The following HHIPL2 variants were observed in gnomAD, a reference collection of about 807,000 sequenced individuals.
HHIPL2 encodes HHIP-like protein 2.
Under a neutral mutation model 61.0 loss-of-function variants are expected in HHIPL2, and 61 were observed. The observed-to-expected ratio is 1.00, with a 90% confidence interval of 0.81 to 1.24. The LOEUF (loss-of-function observed/expected upper bound fraction) is 1.24. Ranked by LOEUF, HHIPL2 falls within the 50% of genes most tolerant of loss-of-function variation. The pLI, the probability that HHIPL2 is intolerant of heterozygous loss-of-function variation, is 0.00. For synonymous variants in HHIPL2, 343 were observed against 357.4 expected, an observed-to-expected ratio of 0.96 and a Z score of 0.45; for missense variants, 885 against 910.2, an observed-to-expected ratio of 0.97 and a Z score of 0.36.
At chr1:222,535,756 C>T (rs1451589903) in intron 5 of HHIPL2, among the ~76,000 whole-genome samples, 1 of 152,062 alleles carries the variant, frequency 6.6e-6, no homozygotes, top group African/African-American at 2.4e-5. Context: ...TCATTTAGGA[C>T]CCACCCAGAA....
chr1:222,526,705 C>CAA (rs1187186640), intron 7 of HHIPL2, among the ~76,000 whole-genome samples: 448 of 52,498 alleles, frequency 8.5e-3, no homozygotes, highest in Non-Finnish European at 0.011. Context: ...AACTCCATCT[C>CAA]AAAAAAAAAA....
Position 222,526,997 on chromosome 1 carries a change from A to G in HHIPL2, c.1777T>C (p.Ser593Pro). Residue 593 changes from serine (S) to proline (P), a missense_variant, in exon 7 of 9, where the codon TCT becomes CCT. Ser to Pro is a moderately conservative substitution (Grantham distance 74, BLOSUM62 -1). Transcript: ENST00000343410. The part of the protein sequence containing the change: ...SYPSAYAPRG[S>P]IYKFVDPSRR... ...GAGGGGTCAACAAACTTGTAAATAG[A>G]TCCACGTGGTGCATAGGCACTTGGG... is the stretch of plus-strand genomic sequence containing the variant. 1 of 1,613,684 alleles carries G rather than the reference A, an allele frequency of 6.2e-7. No individual in the cohort carries two copies. The highest frequency in any genetic ancestry group is 8.5e-7 in the Non-Finnish European group (1 of 1,179,826).
Position 222,540,183 on chromosome 1 carries a change from A to G in HHIPL2, c.1277T>C (p.Val426Ala), listed in dbSNP as rs1382700283. 4 of 1,614,124 alleles carry G rather than the reference A, an allele frequency of 2.5e-6. No individual in the cohort carries two copies. The highest frequency in any genetic ancestry group is 3.4e-6 in the Non-Finnish European group (4 of 1,180,048). The change falls in exon 4 of 9, where the codon GTG becomes GCG. Residue 426 changes from valine to alanine, a missense_variant. Coordinates refer to ENST00000343410, the MANE Select transcript of HHIPL2 (RefSeq NM_024746.4). ...GCGCGTGATGGGGTCCCCTCGGTCC[A>G]CAGCACAACGCCACATGTTCCTGAT... is the stretch of plus-strand genomic sequence containing the variant. ...YGIRNMWRCA[V>A]DRGDPITRQG... is the part of the protein sequence containing the mutation.
At chr1:222,531,305 T>C (rs1269086656) in intron 6 of HHIPL2, among the ~76,000 whole-genome samples, 1 of 152,166 alleles carries the variant, frequency 6.6e-6, no homozygotes, top group African/African-American at 2.4e-5. Flanking sequence ...CCGCTGCCCA[T>C]TTAGTCTGGC....
Position 222,525,734 on chromosome 1 carries a change from C to G in HHIPL2, c.1805+1235G>C, listed in dbSNP as rs1659049162. Among the ~76,000 whole-genome samples, 3 of 152,150 alleles carry G rather than the reference C, an allele frequency of 2.0e-5. No homozygotes were observed. In the South Asian group the frequency reaches 6.2e-4, roughly 31 times the overall value. ...CACTGGGGCAGGGTGCATGGTGGCA[C>G]ACACCTGTAATCCCAGCACTTTGGG... On this transcript the variant is annotated intron_variant, in intron 7 of 8. Transcript: ENST00000343410.
chr1:222,525,249 T>C (rs1001765563), intron 7 of HHIPL2: 19 of 152,182 alleles, frequency 1.2e-4, no homozygotes, highest in African/African-American at 4.6e-4. Flanking sequence ...TGGATTCACA[T>C]AGGAAGCCTG....
At chr1:222,542,842 T>C (rs998684485) in intron 2 of HHIPL2, among the ~76,000 whole-genome samples, 6 of 152,106 alleles carry the variant, frequency 3.9e-5, no homozygotes, top group African/African-American at 1.4e-4. Flanking sequence ...TTTCATACCA[T>C]GATTTAATGA....
intron 1 of HHIPL2, 134 bp from the exon 2 acceptor site, chr1:222,544,323 T>C (rs1437386364): frequency 2.2e-6 from 2 of 912,720 alleles, no homozygotes; most frequent in Non-Finnish European, 3.3e-6. Context: ...TGTTACCAAC[T>C]GCTGCTAAAA....
At chr1:222,530,800 T>C (rs1304319187) in intron 6 of HHIPL2, among the ~76,000 whole-genome samples, 5 of 151,702 alleles carry the variant, frequency 3.3e-5, no homozygotes, top group Admixed American at 3.3e-4. Flanking sequence ...TGTTTAATTA[T>C]TTTTTTTTCA....
intron 7 of HHIPL2, among the ~76,000 whole-genome samples, chr1:222,523,918 G>A (rs1352373897): frequency 6.6e-6 from 1 of 152,306 alleles, no homozygotes; most frequent in Non-Finnish European, 1.5e-5. Flanking sequence ...TGCAGAGAAG[G>A]AGTTAGGAGT....
rs762409856 is a variant in HHIPL2, at chr1:222,522,605, G to A, written c.2171C>T (p.Pro724Leu). 1.9e-6 allele frequency: 3 copies of A among 1,611,974 alleles called. No homozygotes were observed. The highest frequency in any genetic ancestry group is 1.7e-5 in the Admixed American group (1 of 60,002). Residue 724 changes from proline to leucine, a missense_variant, in exon 9 of 9, where the codon CCT becomes CTT. Coordinates refer to ENST00000343410, the MANE Select transcript of HHIPL2 (RefSeq NM_024746.4). ...TCGGCCACCTTGACCAATAGGTCAA[G>A]GGAGACTTCTGCCAGCTCGCTTCTG... ...AEQKRAGRSL[P>L]
intron 6 of HHIPL2, among the ~76,000 whole-genome samples, chr1:222,528,712 C>T (rs1890069): frequency 0.44 from 67,567 of 152,072 alleles, 16,235 homozygotes; most frequent in African/African-American, 0.64. Context: ...CACTTGCTGT[C>T]ATGTGCCTTA....
At chr1:222,536,886 C>CAA (rs1398667076) in intron 5 of HHIPL2, among the ~76,000 whole-genome samples, 1 of 140,006 alleles carries the variant, frequency 7.1e-6, no homozygotes, top group African/African-American at 2.9e-5. Flanking sequence ...TCCATCTCTA[C>CAA]AAAAAAAAAA....
At position 222,527,051 on chromosome 1, in the gene HHIPL2, C is replaced by T; in HGVS notation, c.1724-1G>A. The stretch of plus-strand genomic sequence containing the variant: ...GAGGTCGCCAGGAAATACAGCTCCC[C>T]TAAGGCAACAAAAATAGACAGGCAA... On this transcript the variant is annotated splice_acceptor_variant, in intron 6 of 8. Transcript: ENST00000343410. LOFTEE classifies it high-confidence loss of function. The T allele has an allele frequency of 6.2e-7, 1 of 1,611,464 alleles. No homozygotes were observed. The highest frequency in any genetic ancestry group is 8.5e-7 in the Non-Finnish European group (1 of 1,178,422).
At chr1:222,531,933 A>G in intron 6 of HHIPL2, 33 bp downstream of exon 6, 3 of 1,561,052 alleles carry the variant, frequency 1.9e-6, no homozygotes, top group Non-Finnish European at 2.6e-6. Context: ...AGTTCTAGTA[A>G]GCAGAAATCA....
intron 4 of HHIPL2, 145 bp from the exon 5 acceptor site, chr1:222,538,919 G>C (rs749416300): frequency 4.1e-5 from 30 of 726,630 alleles, no homozygotes; most frequent in Admixed American, 2.3e-4. Context: ...GCAAGCAAGT[G>C]AATCATGTTT....
At chr1:222,537,381 T>C (rs1442692921) in intron 5 of HHIPL2, among the ~76,000 whole-genome samples, 2 of 151,122 alleles carry the variant, frequency 1.3e-5, no homozygotes, top group Non-Finnish European at 1.5e-5. Flanking sequence ...TTTCCCCTAT[T>C]TCTATTCAAC....
chr1:222,543,630 G>T lies in HHIPL2; in HGVS notation c.881C>A (p.Ser294Ter). The part of the protein sequence containing the change: ...RHNRKFYIYY[S>*]CLDKKKVEKI... ...TTCTACCTTCTTCTTGTCCAGGCAC[G>T]AATAATAAATATAGAACTTGCGATT... The change falls in exon 2 of 9, where the codon TCG (serine) becomes TAG (stop). Residue 294 changes from serine to a stop codon, truncating the protein, a stop_gained. Transcript: ENST00000343410. LOFTEE classifies it high-confidence loss of function. 1 of 1,614,030 alleles carries T rather than the reference G, an allele frequency of 6.2e-7. No homozygotes were observed. Among genetic ancestry groups the T allele is most frequent in the Non-Finnish European group, 8.5e-7 (1 of 1,180,026 alleles).
chr1:222,527,292 C>T (rs1014206016), intron 6 of HHIPL2, among the ~76,000 whole-genome samples: 4 of 152,192 alleles, frequency 2.6e-5, no homozygotes, highest in Non-Finnish European at 2.9e-5. Context: ...GGCAATTTCA[C>T]GTGTATGTTT....
Sources: gnomAD v4.1 joint callset for allele counts (sites outside exome capture counted in the v4.1 genomes callset) on GRCh38, gnomAD v4.1.1 for gene constraint, MANE v1.5 for transcripts, NCBI Gene and HGNC (gene_info 2026-07-23, HGNC 2026-07-21) for gene names.